The following PLEKHA7 variants were observed in gnomAD, a reference collection of about 807,000 sequenced individuals.
PLEKHA7 encodes the protein pleckstrin homology domain containing A7, also known as pleckstrin homology domain-containing family A member 7.
Under a neutral mutation model 170.0 loss-of-function variants are expected in PLEKHA7, and 104 were observed. The observed-to-expected ratio is 0.61, with a 90% CI of 0.52 to 0.72. PLEKHA7 has a LOEUF of 0.72. Ranked by LOEUF, PLEKHA7 falls within the 30% of genes least tolerant of loss-of-function variation. The probability of loss-of-function intolerance (pLI) is 0.00; values close to 1 mark genes in which losing one functional copy is unlikely to be tolerated. For synonymous variants in PLEKHA7, 648 were observed against 660.8 expected (o/e 0.98, Z 0.30); for missense variants, 1,615 against 1,671.7 (o/e 0.97, Z 0.59).
chr11:16,874,955 A>C (rs1352336436), intron 3 of PLEKHA7, among the ~76,000 whole-genome samples: 1 of 152,232 alleles, frequency 6.6e-6, no homozygotes, highest in Non-Finnish European at 1.5e-5. Flanking sequence ...GTACCAGCTT[A>C]AATAAACCCA....
intron 3 of PLEKHA7, among the ~76,000 whole-genome samples, chr11:16,880,930 T>C (rs1855659703): frequency 6.6e-6 from 1 of 152,234 alleles, no homozygotes; most frequent in South Asian, 2.1e-4. Context: ...CATCTCAGAC[T>C]GTCATCCACA....
chr11:17,004,527 G>A (rs1864868587), intron 3 of PLEKHA7, among the ~76,000 whole-genome samples: 1 of 151,828 alleles, frequency 6.6e-6, no homozygotes, highest in African/African-American at 2.4e-5. Context: ...CGAGTAGCTG[G>A]GATTACAGGC....
intron 3 of PLEKHA7, among the ~76,000 whole-genome samples, chr11:16,889,323 C>A (rs536374478): frequency 6.7e-6 from 1 of 149,810 alleles, no homozygotes; most frequent in African/African-American, 2.5e-5. Context: ...AAAGCAACCC[C>A]TTCCCCATCT....
chr11:16,990,398 C>T (rs1863977307), intron 3 of PLEKHA7, among the ~76,000 whole-genome samples: 1 of 151,462 alleles, frequency 6.6e-6, no homozygotes, highest in South Asian at 2.1e-4. Context: ...CCACCTTATA[C>T]AGCACTCGTA....
intron 3 of PLEKHA7, among the ~76,000 whole-genome samples, chr11:16,922,243 A>T (rs1859152259): frequency 6.6e-6 from 1 of 152,104 alleles, no homozygotes; most frequent in African/African-American, 2.4e-5. Context: ...AGGACTCTCT[A>T]GCTGCCTTAA....
rs866600512 is a variant in PLEKHA7, at chr11:16,782,225, A to C, written c.3793+529T>G. Reference sequence around the variant, plus strand: ...TGTTATTTTTTTCCAATTGGACTGCAAAGTCCCACTTTCCAAGTCCTGTAC... The same window carrying C: ...TGTTATTTTTTTCCAATTGGACTGCCAAGTCCCACTTTCCAAGTCCTGTAC... On this transcript the variant is annotated intron_variant, in intron 26 of 26. Coordinates refer to ENST00000531066, the MANE Select transcript of PLEKHA7 (RefSeq NM_001329630.2). Among the ~76,000 whole-genome samples the C allele has an allele frequency of 5.9e-5, 9 of 152,224 alleles. No homozygotes were observed. In the Middle Eastern group the frequency reaches 0.014, roughly 230 times the overall value.
chr11:16,791,848 G>A lies in PLEKHA7; in HGVS notation c.2746-649C>T, dbSNP rs1359131688. On this transcript the variant is annotated intron_variant, in intron 19 of 26. Coordinates refer to ENST00000531066, the MANE Select transcript of PLEKHA7 (RefSeq NM_001329630.2). The surrounding 1 kb of genome is among the most constrained non-coding windows in gnomAD (Gnocchi z 4.5). ...ATGTGATGAATGCAACATTTTCCTT[G>A]AAACTCCCTGTCCACAGTGTTCTGT... 2.7e-6 allele frequency: 1 copy of A among 373,534 alleles called. No individual in the cohort carries two copies. The highest frequency in any genetic ancestry group is 5.4e-6 in the Non-Finnish European group (1 of 186,098). The allele number at this position is 373,534 out of a possible 1,614,324, so 23.1% of individuals were successfully genotyped here.
Position 16,789,099 on chromosome 11 carries a change from G to A in PLEKHA7, c.3354C>T (p.Gly1118=). Reference sequence around the variant, plus strand: ...TGCCTGGCCCCTCCTAACATACTGAGCCAAGATCTCCAGGGAGCGGCCGGC... The same window carrying A: ...TGCCTGGCCCCTCCTAACATACTGAACCAAGATCTCCAGGGAGCGGCCGGC... The part of the protein sequence containing the change: ...YLSRPLPGDL[G]SWKREQDFDL... The change falls in exon 23 of 27, where the codon GGC becomes GGT. Residue 1118 remains glycine (G), a synonymous_variant. Transcript: ENST00000531066. The surrounding 1 kb of genome is among the most constrained non-coding windows in gnomAD (Gnocchi z 4.6). 1 of 1,602,432 alleles carries A rather than the reference G, an allele frequency of 6.2e-7. No individual in the cohort carries two copies. The highest frequency in any genetic ancestry group is 8.5e-7 in the Non-Finnish European group (1 of 1,179,920).
chr11:16,858,116 C>T (rs1375192617), intron 4 of PLEKHA7, among the ~76,000 whole-genome samples: 1 of 152,168 alleles, frequency 6.6e-6, no homozygotes, highest in African/African-American at 2.4e-5. Flanking sequence ...GAGAGAAAAA[C>T]ATCACCCATA....
chr11:16,937,615 C>A (rs1308251612), intron 3 of PLEKHA7, among the ~76,000 whole-genome samples: 1 of 145,130 alleles, frequency 6.9e-6, no homozygotes, highest in Non-Finnish European at 1.5e-5. Flanking sequence ...TTTTTCTTTT[C>A]TTTTTTTTTT....
rs1851962481 is a variant in PLEKHA7, at chr11:16,841,563, G to A, written c.856C>T (p.Arg286Ter). Residue 286 changes from arginine to a stop codon, truncating the protein, a stop_gained, in exon 9 of 27, where the codon CGA becomes TGA. Transcript: ENST00000531066. LOFTEE classifies it high-confidence loss of function. ...AGAACTAACCTCTTCAGTGACGATCGAGACAGCACCTGTGCAGCCTGGTTC... is the reference window on the plus strand; with the variant it reads ...AGAACTAACCTCTTCAGTGACGATCAAGACAGCACCTGTGCAGCCTGGTTC... ...AMNQAAQVLS[R>*]SSLKRDMEKV... 2 of 1,613,564 alleles carry A rather than the reference G, an allele frequency of 1.2e-6. No individual in the cohort carries two copies. The highest frequency in any genetic ancestry group is 1.8e-4 in the Middle Eastern group (1 of 5,642).
intron 3 of PLEKHA7, among the ~76,000 whole-genome samples, chr11:16,877,892 C>T (rs1412554541): frequency 6.6e-6 from 1 of 152,156 alleles, no homozygotes; most frequent in Non-Finnish European, 1.5e-5. Flanking sequence ...AATGAAGGAA[C>T]ATACATGAAA....
intron 3 of PLEKHA7, among the ~76,000 whole-genome samples, chr11:16,998,990 C>T (rs1864509015): frequency 6.6e-6 from 1 of 152,102 alleles, no homozygotes. Context: ...CCTCTATCCT[C>T]GTATATCTGC....
At chr11:16,852,426 C>G in intron 6 of PLEKHA7, 71 bp from the exon 7 acceptor site, 1 of 1,340,044 alleles carries the variant, frequency 7.5e-7, no homozygotes, top group East Asian at 2.4e-5. Flanking sequence ...CATGCACAAC[C>G]TGATTCCAGA....
At chr11:16,881,801 C>T (rs991475478) in intron 3 of PLEKHA7, among the ~76,000 whole-genome samples, 1 of 152,178 alleles carries the variant, frequency 6.6e-6, no homozygotes, top group Non-Finnish European at 1.5e-5. Flanking sequence ...ATCAATATTT[C>T]ATACCAGTCA....
intron 3 of PLEKHA7, among the ~76,000 whole-genome samples, chr11:16,923,701 C>A (rs914321286): frequency 6.6e-6 from 1 of 152,102 alleles, no homozygotes; most frequent in Non-Finnish European, 1.5e-5. Flanking sequence ...CTAAAATCTG[C>A]CTTCCTGCGC....
At chr11:16,925,417 T>A (rs1263041449) in intron 3 of PLEKHA7, among the ~76,000 whole-genome samples, 1 of 152,108 alleles carries the variant, frequency 6.6e-6, no homozygotes, top group Non-Finnish European at 1.5e-5. Flanking sequence ...CCGGCTCCAG[T>A]CACGCCCGCG....
intron 10 of PLEKHA7, among the ~76,000 whole-genome samples, chr11:16,825,820 G>C (rs2134939331): frequency 6.6e-6 from 1 of 152,340 alleles, no homozygotes. Context: ...TTCTCTCTGA[G>C]GAGCCGAAGA....
At chr11:16,926,384 CA>C (rs1859546350) in intron 3 of PLEKHA7, among the ~76,000 whole-genome samples, 1 of 152,226 alleles carries the variant, frequency 6.6e-6, no homozygotes, top group Non-Finnish European at 1.5e-5. Flanking sequence ...CAGCAGCCCA[CA>C]CACACTTCTA....
Sources: gnomAD v4.1 joint callset for allele counts (sites outside exome capture counted in the v4.1 genomes callset) on GRCh38, gnomAD v4.1.1 for gene constraint, Gnocchi (gnomAD v3.1) non-coding constraint, MANE v1.5 for transcripts, NCBI Gene and HGNC (gene_info 2026-07-23, HGNC 2026-07-21) for gene names.